Variants in PBX1 observed in about 807,000 individuals in gnomAD.
The protein encoded by PBX1 is PBX homeobox 1.
In PBX1, 6 loss-of-function variants were observed where a neutral mutation model predicts 53.4. The ratio of observed to expected loss-of-function variants is 0.11; its 90% CI spans 0.06 to 0.22. PBX1 has a LOEUF of 0.22. PBX1 is among the 10% of genes least tolerant of loss of function. The pLI, the probability that PBX1 is intolerant of heterozygous loss-of-function variation, is 1.00. For synonymous variants in PBX1, 204 were observed against 212.3 expected (o/e 0.96, Z 0.34); for missense variants, 251 against 551.4 (o/e 0.46, Z 5.46).
intron 2 of PBX1, among the ~76,000 whole-genome samples, chr1:164,885,617 G>A (rs140620029): frequency 3.3e-4 from 51 of 152,294 alleles, no homozygotes; most frequent in Admixed American, 1.0e-3. Context: ...TCCTGGCTCC[G>A]TCTTCAAGCA....
In PBX1 at chr1:164,847,524, A is replaced by G; in HGVS notation, c.*848A>G. ...AAAGCAATATTTAGAACCTATTGCA[A>G]AACTGGGCCTGAGTTAGGCATGGTG... On this transcript the variant is annotated 3_prime_UTR_variant, in exon 9 of 9. Coordinates refer to ENST00000420696, the MANE Select transcript of PBX1 (RefSeq NM_002585.4). The G allele has an allele frequency of 9.4e-7, 1 of 1,062,130 alleles. No individual in the cohort carries two copies. The highest frequency in any genetic ancestry group is 1.1e-6 in the Non-Finnish European group (1 of 877,344). 65.8% of individuals were successfully genotyped at this position (1,062,130 alleles called of 1,614,324 possible).
At chr1:164,560,678 ATT>A (rs1053042422) in intron 1 of PBX1, among the ~76,000 whole-genome samples, 5 of 152,094 alleles carry the variant, frequency 3.3e-5, no homozygotes, top group African/African-American at 1.2e-4. Context: ...TGAAAAGGTG[ATT>A]TTGTTTTTAG....
At chr1:164,792,241 C>T (rs1036989932) in intron 2 of PBX1, among the ~76,000 whole-genome samples, 1 of 152,160 alleles carries the variant, frequency 6.6e-6, no homozygotes, top group Non-Finnish European at 1.5e-5. Flanking sequence ...CATTATTCTA[C>T]TTTCTGCCTC....
chr1:164,749,516 T>C (rs1666081555), intron 2 of PBX1, among the ~76,000 whole-genome samples: 1 of 152,180 alleles, frequency 6.6e-6, no homozygotes, highest in Admixed American at 6.5e-5. Context: ...AGCAATATAA[T>C]AGTGAAATAA....
chr1:164,623,068 C>T (rs1290376376), intron 2 of PBX1, among the ~76,000 whole-genome samples: 1 of 152,154 alleles, frequency 6.6e-6, no homozygotes, highest in African/African-American at 2.4e-5. Flanking sequence ...CTGCCTCGGC[C>T]TCCCAAAGTG....
intron 3 of PBX1, among the ~76,000 whole-genome samples, chr1:164,794,679 A>G (rs1389943966): frequency 1.3e-5 from 2 of 152,128 alleles, no homozygotes; most frequent in Non-Finnish European, 2.9e-5. Context: ...GCTCTAACCT[A>G]AAAGGGTAAT....
At chr1:164,878,645 T>G (rs1672571675) in intron 2 of PBX1, among the ~76,000 whole-genome samples, 1 of 151,760 alleles carries the variant, frequency 6.6e-6, no homozygotes, top group Non-Finnish European at 1.5e-5. Flanking sequence ...CATCACCCAC[T>G]AGCCCTAGGG....
intron 2 of PBX1, among the ~76,000 whole-genome samples, chr1:164,661,330 A>G (rs567906385): frequency 1.3e-5 from 2 of 152,022 alleles, no homozygotes; most frequent in Non-Finnish European, 2.9e-5. Flanking sequence ...GAGGGATAAC[A>G]TTACCAATGG....
At chr1:164,610,026 G>A (rs1366424826) in intron 2 of PBX1, among the ~76,000 whole-genome samples, 1 of 152,130 alleles carries the variant, frequency 6.6e-6, no homozygotes, top group South Asian at 2.1e-4. Context: ...CAGAGGGTTG[G>A]TGCACATTCA....
intron 2 of PBX1, among the ~76,000 whole-genome samples, chr1:164,633,966 C>A (rs1488770753): frequency 2.0e-5 from 3 of 152,194 alleles, no homozygotes; most frequent in Non-Finnish European, 2.9e-5. Flanking sequence ...GTAATTTAAT[C>A]TTCCATTCAA....
At chr1:164,779,657 C>T (rs1667839747) in intron 2 of PBX1, among the ~76,000 whole-genome samples, 1 of 152,200 alleles carries the variant, frequency 6.6e-6, no homozygotes, top group Non-Finnish European at 1.5e-5. Context: ...GTTGGAGCCT[C>T]CTGTCTGTTC....
intron 2 of PBX1, among the ~76,000 whole-genome samples, chr1:164,776,899 T>TTGTGTG (rs368787176): frequency 0.011 from 1,058 of 97,060 alleles, 18 homozygotes; most frequent in African/African-American, 0.038. Flanking sequence ...GGTTTTACAT[T>TTGTGTG]TGTGTGTGTG....
At chr1:164,602,967 C>T (rs1232744599) in intron 2 of PBX1, among the ~76,000 whole-genome samples, 3 of 152,158 alleles carry the variant, frequency 2.0e-5, no homozygotes, top group African/African-American at 7.2e-5. Context: ...TTGCTGGAGG[C>T]CTGAGTTCCT....
At chr1:164,600,115 T>TG (rs1159227245) in intron 2 of PBX1, among the ~76,000 whole-genome samples, 2 of 149,482 alleles carry the variant, frequency 1.3e-5, no homozygotes, top group Admixed American at 6.8e-5. Flanking sequence ...GTCTTACAAT[T>TG]GTGAGTATAA....
chr1:164,700,656 G>A (rs1234547879), intron 2 of PBX1: 3 of 985,352 alleles, frequency 3.0e-6, no homozygotes, highest in East Asian at 1.1e-4. Context: ...ATCGTGTCAG[G>A]TGGAGACCCT....
At chr1:164,632,325 T>C (rs868314988) in intron 2 of PBX1, among the ~76,000 whole-genome samples, 41 of 152,304 alleles carry the variant, frequency 2.7e-4, no homozygotes, top group African/African-American at 9.4e-4. Context: ...ATCTTTATTA[T>C]GCAGTTTCTT....
At chr1:164,835,052 T>C (rs1331746535) in intron 8 of PBX1, among the ~76,000 whole-genome samples, 1 of 152,212 alleles carries the variant, frequency 6.6e-6, no homozygotes, top group African/African-American at 2.4e-5. Flanking sequence ...TTTATGTGGG[T>C]GTAAGAAAGT....
chr1:164,590,248 A>G (rs1655275611), intron 2 of PBX1: 1 of 425,674 alleles, frequency 2.3e-6, no homozygotes, highest in Non-Finnish European at 4.7e-6. Context: ...GAGCAGATAG[A>G]AGAAATACCT....
chr1:164,622,822 CTTTT>C lies in PBX1; in HGVS notation c.265+59528_265+59531del, dbSNP rs11299132. On this transcript the variant is annotated intron_variant, in intron 2 of 8. Transcript: ENST00000420696. ...ATACATACATACACACAGTTTCCATCTTTTTTTTTTTTTTTTTTTTGAGACAGAG... is the reference window on the plus strand; with the variant it reads ...ATACATACATACACACAGTTTCCATCTTTTTTTTTTTTTTTTGAGACAGAG... 9.9e-3 allele frequency among the ~76,000 whole-genome samples: 1,049 copies of C among 106,282 alleles called. 18 individuals are homozygous for C. The highest frequency in any genetic ancestry group is 0.036 in the African/African-American group (995 of 27,282). The allele number at this position is 106,282 out of a possible 152,430, so 69.7% of individuals were successfully genotyped here.
Sources: gnomAD v4.1 joint callset for allele counts (sites outside exome capture counted in the v4.1 genomes callset) on GRCh38, gnomAD v4.1.1 for gene constraint, MANE v1.5 for transcripts, NCBI Gene and HGNC (gene_info 2026-07-23, HGNC 2026-07-21) for gene names.